PARP15: variants seen among roughly 807,000 people sequenced by gnomAD.
PARP15 encodes the protein poly(ADP-ribose) polymerase family member 15.
In PARP15, 50 loss-of-function variants were observed where a neutral mutation model predicts 62.1. The observed-to-expected ratio is 0.81, with a 90% CI of 0.64 to 1.02. PARP15 has a LOEUF of 1.02. Ranked by LOEUF, PARP15 falls within the 50% of genes least tolerant of loss-of-function variation. The pLI, the probability that PARP15 is intolerant of heterozygous loss-of-function variation, is 0.00. For missense variants in PARP15, 820 were observed against 826.5 expected (o/e 0.99, Z 0.10); for synonymous variants, 309 against 293.1 (o/e 1.05, Z -0.55).
At position 122,618,982 on chromosome 3, in the gene PARP15, A is replaced by G. The variant is rs866815821; in HGVS notation, c.1001-799A>G. 1.2e-4 allele frequency among the ~76,000 whole-genome samples: 19 copies of G among 152,362 alleles called. No individual in the cohort carries two copies. The Middle Eastern group carries it at 0.01, about 82-fold the overall frequency. On this transcript the variant is annotated intron_variant, in intron 6 of 11. Coordinates refer to ENST00000464300, the MANE Select transcript of PARP15 (RefSeq NM_001113523.3). ...AGAGACCAGAACAAACAAATTGAAA[A>G]GAGATTTTTTTAAAAAGAGACATTT...
intron 1 of PARP15, among the ~76,000 whole-genome samples, chr3:122,586,740 A>G (rs1459820233): frequency 6.6e-6 from 1 of 151,178 alleles, no homozygotes; most frequent in Admixed American, 6.6e-5. Context: ...AATCCCCCCA[A>G]CTATCAACAT....
At chr3:122,590,377 AT>A (rs1348539611) in intron 1 of PARP15, among the ~76,000 whole-genome samples, 6 of 151,934 alleles carry the variant, frequency 3.9e-5, no homozygotes, top group Admixed American at 3.9e-4. Context: ...GGTTCATGCC[AT>A]TCTCCTGCCT....
At position 122,636,019 on chromosome 3, in the gene PARP15, CAAT is replaced by C. The variant is rs1230493176; in HGVS notation, c.1958_1960del (p.Asn653del). On this transcript the variant is annotated inframe_deletion, in exon 12 of 12. Coordinates refer to ENST00000464300, the MANE Select transcript of PARP15 (RefSeq NM_001113523.3). Reference sequence around the variant, plus strand: ...CAGATCTCTTTGACTCAGTGACAAACAATACACGATCTCCAAAGCTATTTGTGG... The same window carrying C: ...CAGATCTCTTTGACTCAGTGACAAACACACGATCTCCAAAGCTATTTGTGG... 6.2e-7 allele frequency: 1 copy of C among 1,613,922 alleles called. No homozygotes were observed. The highest frequency in any genetic ancestry group is 1.3e-5 in the African/African-American group (1 of 74,914).
rs909847688 is a variant in PARP15, at chr3:122,610,525, A to G, written c.338A>G (p.Asn113Ser). Reference sequence around the variant, plus strand: ...GTCATTGTCAACAGCGTTCCCATGAATCTTCAGCTTGGAGGAGGACCACTA... The same window carrying G: ...GTCATTGTCAACAGCGTTCCCATGAGTCTTCAGCTTGGAGGAGGACCACTA... ...ADVIVNSVPM[N>S]LQLGGGPLSR... Residue 113 changes from asparagine to serine, a missense_variant, in exon 3 of 12, where the codon AAT (asparagine) becomes AGT (serine). Around this residue, in one of 3 missense-constraint regions of PARP15, gnomAD observed 731 missense variants for 727.7 expected, o/e 1.00. Coordinates refer to ENST00000464300, the MANE Select transcript of PARP15 (RefSeq NM_001113523.3). The G allele has an allele frequency of 5.2e-6, 8 of 1,551,568 alleles. No homozygotes were observed. The African/African-American group carries it at 9.6e-5, about 19-fold the overall frequency.
At chr3:122,587,786 C>A (rs1446037648) in intron 1 of PARP15, among the ~76,000 whole-genome samples, 1 of 152,144 alleles carries the variant, frequency 6.6e-6, no homozygotes, top group Non-Finnish European at 1.5e-5. Context: ...TCCTAAAGTA[C>A]TAGGATTACA....
intron 2 of PARP15, among the ~76,000 whole-genome samples, chr3:122,606,591 C>G (rs1559953590): frequency 6.6e-6 from 1 of 152,162 alleles, no homozygotes; most frequent in Non-Finnish European, 1.5e-5. Context: ...GATACAGGCC[C>G]TATATTCCTC....
intron 2 of PARP15, among the ~76,000 whole-genome samples, chr3:122,607,217 C>G (rs80125307): frequency 6.6e-6 from 1 of 152,064 alleles, no homozygotes; most frequent in Non-Finnish European, 1.5e-5. Context: ...GCTCTGCAAC[C>G]GAGTATTATG....
rs764807245 is a variant in PARP15 at position 122,615,444 on chromosome 3, G to C, written c.772-335G>C. On this transcript the variant is annotated intron_variant, in intron 4 of 11. Transcript: ENST00000464300. ...CACTTCCCTCAGCCTATTGGATGTA[G>C]GAGATTAGAATTATGGGGCTTCAAA... 37 of 1,260,746 alleles carry C rather than the reference G, an allele frequency of 2.9e-5. No homozygotes were observed. The Admixed American group carries it at 4.0e-4, about 14-fold the overall frequency. The allele number at this position is 1,260,746 out of a possible 1,614,324, so 78.1% of individuals were successfully genotyped here. A position where few individuals can be genotyped will look rare whatever the true frequency, so the allele number is the denominator to read the frequency against.
At chr3:122,627,664 T>A (rs1254720742) in intron 9 of PARP15, among the ~76,000 whole-genome samples, 3 of 152,232 alleles carry the variant, frequency 2.0e-5, no homozygotes, top group Non-Finnish European at 2.9e-5. Flanking sequence ...TTTCAGCCAT[T>A]TGGAGCACTC....
At chr3:122,621,351 C>T in intron 7 of PARP15, 93 bp from the exon 8 acceptor site, 1 of 1,368,016 alleles carries the variant, frequency 7.3e-7, no homozygotes, top group Admixed American at 2.4e-5. Flanking sequence ...TCACAGCCTT[C>T]ACGGATGTCA....
rs35662109 is a variant in PARP15 at position 122,588,358 on chromosome 3, A to ATT, written c.186+10515_186+10516dup. ...ATATTTTCTAGGAATTGGTTTATTG[A>ATT]TTTTTTTTTTTGGTTTATTGATTCT... On this transcript the variant is annotated intron_variant, in intron 1 of 11. Coordinates refer to ENST00000464300, the MANE Select transcript of PARP15 (RefSeq NM_001113523.3). Among the ~76,000 whole-genome samples the ATT allele has an allele frequency of 1.6e-3, 236 of 149,794 alleles. 1 individual carries two copies. Among genetic ancestry groups the ATT allele is most frequent in the South Asian group, 9.1e-3 (43 of 4,746 alleles).
rs889922461 is a variant in PARP15, at chr3:122,638,025, C to T, written c.*1925C>T. The T allele has an allele frequency of 9.9e-5, 15 of 152,146 alleles. No individual in the cohort carries two copies. The highest frequency in any genetic ancestry group is 3.6e-4 in the African/African-American group (15 of 41,430). The allele number at this position is 152,146 out of a possible 1,614,324, so 9.4% of individuals were successfully genotyped here. On this transcript the variant is annotated 3_prime_UTR_variant, in exon 12 of 12. Coordinates refer to ENST00000464300, the MANE Select transcript of PARP15 (RefSeq NM_001113523.3). The stretch of plus-strand genomic sequence containing the variant: ...CCATGTGTTCTCATTGTTCAATTCC[C>T]ACCTGTGAGTGAGAACATGTGGTGT...
Position 122,636,350 on chromosome 3 carries a change from A to C in PARP15, c.*250A>C. On this transcript the variant is annotated 3_prime_UTR_variant, in exon 12 of 12. Transcript: ENST00000464300. ...AGCTACAACCATTCACAGACACCAA[A>C]TCTCTAGGAGAATAAAAAGCACATT... The C allele has an allele frequency of 2.2e-6, 1 of 449,556 alleles. No individual in the cohort carries two copies. The allele number at this position is 449,556 out of a possible 1,614,324, so 27.8% of individuals were successfully genotyped here. A position where few individuals can be genotyped will look rare whatever the true frequency, so the allele number is the denominator to read the frequency against.
rs986136876 is a variant in PARP15 at position 122,617,116 on chromosome 3, G to A, written c.952G>A (p.Val318Ile). Residue 318 changes from valine (V) to isoleucine (I), a missense_variant, in exon 6 of 12, where the codon GTA (valine) becomes ATA (isoleucine). By Grantham distance (29) the Val-to-Ile change is conservative. This residue lies in a region of PARP15 where 731 missense variants were observed against 727.7 expected (regional missense o/e 1.00). Transcript: ENST00000464300. ...VATGDIATEQ[V>I]DVIVNSTART... ...TACTGGAGATATAGCCACTGAACAG[G>A]TAGATGTTATTGTAAACTCAACAGC... 1 of 1,613,982 alleles carries A rather than the reference G, an allele frequency of 6.2e-7. No individual in the cohort carries two copies. The highest frequency in any genetic ancestry group is 8.5e-7 in the Non-Finnish European group (1 of 1,179,884).
chr3:122,628,637 G>A (rs549629105), intron 9 of PARP15, among the ~76,000 whole-genome samples: 74 of 152,290 alleles, frequency 4.9e-4, no homozygotes, highest in African/African-American at 1.7e-3. Context: ...ACAAAACAGT[G>A]TAGTTGAAGA....
intron 1 of PARP15, among the ~76,000 whole-genome samples, chr3:122,578,609 A>T (rs2080734537): frequency 6.6e-6 from 1 of 152,062 alleles, no homozygotes; most frequent in Non-Finnish European, 1.5e-5. Context: ...TCTGCTTTAG[A>T]GAGGCTTTGC....
At chr3:122,625,008 C>T (rs1936605826) in intron 8 of PARP15, among the ~76,000 whole-genome samples, 2 of 146,724 alleles carry the variant, frequency 1.4e-5, no homozygotes, top group South Asian at 2.2e-4. Flanking sequence ...TTTACCATTA[C>T]TTTTTTTTTT....
At position 122,635,814 on chromosome 3, in the gene PARP15, T is replaced by A. The variant is rs1937328489; in HGVS notation, c.1751T>A (p.Val584Glu). 6.2e-7 allele frequency: 1 copy of A among 1,612,210 alleles called. No individual in the cohort carries two copies. Among genetic ancestry groups the A allele is most frequent in the African/African-American group, 1.3e-5 (1 of 74,872 alleles). ...GTTTTTGTCTTTCTCTTTCCAGCTG[T>A]ATCCTATGGAAAAGGAACCTATTTT... ...FNRSCAGKNA[V>E]SYGKGTYFAV... Residue 584 changes from valine (V) to glutamate (E), a missense_variant, in exon 12 of 12, where the codon GTA becomes GAA. By Grantham distance (121) the Val-to-Glu change is moderately radical. Transcript: ENST00000464300.
intron 8 of PARP15, among the ~76,000 whole-genome samples, chr3:122,624,714 G>T (rs553163265): frequency 3.5e-4 from 54 of 152,256 alleles, no homozygotes; most frequent in Non-Finnish European, 7.6e-4. Context: ...TGCTGGGGTG[G>T]CTGTAAACAT....
Sources: allele counts gnomAD v4.1 joint callset (sites outside exome capture counted in the v4.1 genomes callset), GRCh38; gene constraint gnomAD v4.1.1; regional missense constraint gnomAD v4.1.1; transcripts MANE v1.5; gene names NCBI Gene and HGNC (gene_info 2026-07-23, HGNC 2026-07-21).